Variants in CAMKMT observed in about 807,000 individuals in gnomAD.
The protein encoded by CAMKMT is calmodulin-lysine N-methyltransferase.
In CAMKMT, 53 loss-of-function variants were observed where a neutral mutation model predicts 48.0. The observed-to-expected ratio is 1.10, with a 90% CI of 0.89 to 1.39. CAMKMT has a LOEUF of 1.39. Ranked by LOEUF, CAMKMT falls within the 40% of genes most tolerant of loss-of-function variation. CAMKMT has a pLI of 0.00. For synonymous variants in CAMKMT, 165 were observed against 152.3 expected (o/e 1.08, Z -0.61); for missense variants, 428 against 402.7 (o/e 1.06, Z -0.54).
intron 3 of CAMKMT, among the ~76,000 whole-genome samples, chr2:44,627,382 G>A (rs1330733602): frequency 6.6e-6 from 1 of 151,920 alleles, no homozygotes; most frequent in East Asian, 1.9e-4. Context: ...TTGGTATCAG[G>A]GTATTGCTGG....
intron 2 of CAMKMT, among the ~76,000 whole-genome samples, chr2:44,387,523 C>T (rs140044070): frequency 3.3e-5 from 5 of 152,068 alleles, no homozygotes; most frequent in African/African-American, 7.2e-5. Context: ...TTGTTAGTAT[C>T]GAAATGTGAG....
At chr2:44,768,586 C>T (rs1412673530) in intron 10 of CAMKMT, among the ~76,000 whole-genome samples, 1 of 152,000 alleles carries the variant, frequency 6.6e-6, no homozygotes, top group Non-Finnish European at 1.5e-5. Context: ...AGCGCCGCTG[C>T]TCCTCGCCCA....
chr2:44,500,455 TGTA>T (rs1257085933), intron 3 of CAMKMT, among the ~76,000 whole-genome samples: 8 of 152,152 alleles, frequency 5.3e-5, no homozygotes, highest in East Asian at 1.9e-4. Flanking sequence ...AGATTTTTGT[TGTA>T]GTCATCTAGT....
At chr2:44,538,463 G>GT (rs1334906535) in intron 3 of CAMKMT, among the ~76,000 whole-genome samples, 1 of 152,118 alleles carries the variant, frequency 6.6e-6, no homozygotes, top group Non-Finnish European at 1.5e-5. Flanking sequence ...ATGAAATAAT[G>GT]TTTTTTGCAG....
chr2:44,430,100 A>G (rs973218459), intron 3 of CAMKMT, among the ~76,000 whole-genome samples: 1 of 151,966 alleles, frequency 6.6e-6, no homozygotes, highest in African/African-American at 2.4e-5. Context: ...TGAGATTCTC[A>G]TGGTGCTGCA....
intron 7 of CAMKMT, among the ~76,000 whole-genome samples, chr2:44,725,315 T>C (rs1678723571): frequency 6.6e-6 from 1 of 152,210 alleles, no homozygotes; most frequent in Non-Finnish European, 1.5e-5. Context: ...AGTCCAACTT[T>C]TATTATTCAG....
chr2:44,769,143 A>T (rs1056842908), intron 10 of CAMKMT, among the ~76,000 whole-genome samples: 5 of 151,702 alleles, frequency 3.3e-5, no homozygotes, highest in Non-Finnish European at 5.9e-5. Flanking sequence ...AAAAAAAAAA[A>T]TCTACAGATT....
At chr2:44,449,875 TA>T (rs149939505) in intron 3 of CAMKMT, among the ~76,000 whole-genome samples, 1 of 152,304 alleles carries the variant, frequency 6.6e-6, no homozygotes, top group African/African-American at 2.4e-5. Flanking sequence ...AATTCAGTTC[TA>T]ATTTTTACAT....
At chr2:44,703,280 C>A (rs964703751) in intron 3 of CAMKMT, among the ~76,000 whole-genome samples, 3 of 152,102 alleles carry the variant, frequency 2.0e-5, no homozygotes, top group African/African-American at 4.8e-5. Flanking sequence ...AATTTCCAAG[C>A]ATGTTTGTCT....
intron 3 of CAMKMT, among the ~76,000 whole-genome samples, chr2:44,426,934 A>G (rs1287627678): frequency 6.6e-6 from 1 of 152,234 alleles, no homozygotes; most frequent in African/African-American, 2.4e-5. Flanking sequence ...CTACAGGGCT[A>G]CAGTAACCAA....
chr2:44,703,820 A>G (rs1677394006), intron 3 of CAMKMT, among the ~76,000 whole-genome samples: 1 of 150,740 alleles, frequency 6.6e-6, no homozygotes, highest in Non-Finnish European at 1.5e-5. Context: ...GTTTAAAAAT[A>G]TTAGCATGGA....
intron 3 of CAMKMT, among the ~76,000 whole-genome samples, chr2:44,689,264 T>TTTTTTTATTTA (rs1553438288): frequency 7.3e-6 from 1 of 136,208 alleles, no homozygotes; most frequent in Non-Finnish European, 1.6e-5. Context: ...CAGCACTATT[T>TTTTTTTATTTA]TTTATTTATT....
intron 7 of CAMKMT, among the ~76,000 whole-genome samples, chr2:44,721,768 G>A (rs1415469787): frequency 2.0e-5 from 3 of 149,764 alleles, no homozygotes; most frequent in Admixed American, 6.8e-5. Context: ...CCAGGAGTTC[G>A]AAATCAGCCT....
At chr2:44,647,474 G>T (rs750199930) in intron 3 of CAMKMT, among the ~76,000 whole-genome samples, 11 of 152,154 alleles carry the variant, frequency 7.2e-5, no homozygotes, top group Non-Finnish European at 1.2e-4. Flanking sequence ...ATGCGCATGT[G>T]TTATTTACAT....
At chr2:44,551,826 AATT>A (rs1185444801) in intron 3 of CAMKMT, among the ~76,000 whole-genome samples, 1 of 152,132 alleles carries the variant, frequency 6.6e-6, no homozygotes, top group African/African-American at 2.4e-5. Flanking sequence ...AGAATCACAT[AATT>A]ATTATTCTCA....
intron 3 of CAMKMT, among the ~76,000 whole-genome samples, chr2:44,459,291 A>G (rs866243696): frequency 6.6e-6 from 1 of 152,152 alleles, no homozygotes; most frequent in African/African-American, 2.4e-5. Context: ...AAGTCATTTT[A>G]TGTATACCTC....
At chr2:44,665,979 C>T (rs57426411) in intron 3 of CAMKMT, among the ~76,000 whole-genome samples, 32 of 152,206 alleles carry the variant, frequency 2.1e-4, no homozygotes, top group African/African-American at 4.8e-4. Context: ...AGAGTTAAAG[C>T]GGACTAGGAA....
At chr2:44,718,105 G>A (rs1480747985) in intron 7 of CAMKMT, among the ~76,000 whole-genome samples, 3 of 152,162 alleles carry the variant, frequency 2.0e-5, no homozygotes, top group Non-Finnish European at 4.4e-5. Flanking sequence ...ACTAGGGCTT[G>A]TCCAAGGGCC....
At chr2:44,430,612 C>T (rs1684590841) in intron 3 of CAMKMT, among the ~76,000 whole-genome samples, 1 of 151,970 alleles carries the variant, frequency 6.6e-6, no homozygotes, top group Non-Finnish European at 1.5e-5. Context: ...TAATTGGTTA[C>T]ATTGCTCCTC....
Sources: gnomAD v4.1 joint callset for allele counts (sites outside exome capture counted in the v4.1 genomes callset) on GRCh38, gnomAD v4.1.1 for gene constraint, MANE v1.5 for transcripts, NCBI Gene and HGNC (gene_info 2026-07-23, HGNC 2026-07-21) for gene names.